ERICH3: variants seen among roughly 807,000 people sequenced by gnomAD.
ERICH3 encodes the protein glutamate-rich protein 3.
Under a neutral mutation model 131.1 loss-of-function variants are expected in ERICH3, and 126 were observed. The ratio of observed to expected loss-of-function variants is 0.96; its 90% CI spans 0.83 to 1.11. The LOEUF is 1.11. Ranked by LOEUF, ERICH3 falls within the 50% of genes most tolerant of loss-of-function variation. ERICH3 has a pLI of 0.00. For missense variants in ERICH3, 2,050 were observed against 1,810.7 expected (o/e 1.13, Z -2.40); for synonymous variants, 695 against 644.6 (o/e 1.08, Z -1.18).
intron 12 of ERICH3, among the ~76,000 whole-genome samples, chr1:74,584,961 A>G (rs1647263833): frequency 6.6e-6 from 1 of 152,160 alleles, no homozygotes; most frequent in Admixed American, 6.6e-5. Context: ...ACAAAATTGC[A>G]TTTCATTTTA....
chr1:74,571,333 A>G lies in ERICH3; in HGVS notation c.4377T>C (p.Thr1459=), dbSNP rs1174287164. ...EEGSEGQEAA[T]GSGDGRQETG... is the part of the protein sequence containing the mutation. ...TCTCCTGCCTCCCATCGCCACTCCC[A>G]GTGGCTGCCTCCTGGCCCTCTGACC... The change falls in exon 14 of 15, where the codon ACT becomes ACC. Residue 1459 remains threonine, a synonymous_variant. Transcript: ENST00000326665. The G allele has an allele frequency of 1.9e-6, 3 of 1,613,820 alleles. No homozygotes were observed. Among genetic ancestry groups the G allele is most frequent in the Non-Finnish European group, 2.5e-6 (3 of 1,179,968 alleles).
chr1:74,643,803 G>C (rs1182027482), intron 3 of ERICH3, among the ~76,000 whole-genome samples: 1 of 151,964 alleles, frequency 6.6e-6, no homozygotes, highest in Non-Finnish European at 1.5e-5. Flanking sequence ...TTTCAACCTT[G>C]GCCTATCTGA....
At position 74,571,644 on chromosome 1, in the gene ERICH3, C is replaced by G. The variant is rs749652058; in HGVS notation, c.4066G>C (p.Glu1356Gln). The change falls in exon 14 of 15, where the codon GAG becomes CAG. Residue 1356 changes from glutamate to glutamine, a missense_variant. Physicochemically the swap from Glu to Gln is conservative, Grantham distance 29. Transcript: ENST00000326665. Reference protein sequence around the residue: ...GGETAETAAEEREVLAGSETA... With the variant: ...GGETAETAAEQREVLAGSETA... ...TCCGAACCTGCCAACACCTCCCTCTCCTCTGCGGCTGTTTCTGCCGTTTCA... is the reference window on the plus strand; with the variant it reads ...TCCGAACCTGCCAACACCTCCCTCTGCTCTGCGGCTGTTTCTGCCGTTTCA... The G allele has an allele frequency of 6.2e-7, 1 of 1,614,176 alleles. No individual in the cohort carries two copies. The highest frequency in any genetic ancestry group is 1.1e-5 in the South Asian group (1 of 91,078).
intron 4 of ERICH3, 22 bp from the exon 5 acceptor site, chr1:74,641,481 G>T: frequency 6.2e-7 from 1 of 1,605,772 alleles, no homozygotes; most frequent in Non-Finnish European, 8.5e-7. Flanking sequence ...AAGCAATTTA[G>T]CAAATAGATG....
At chr1:74,650,458 A>G (rs923974323) in intron 1 of ERICH3, among the ~76,000 whole-genome samples, 2 of 152,156 alleles carry the variant, frequency 1.3e-5, no homozygotes, top group Non-Finnish European at 2.9e-5. Flanking sequence ...ATACATAGAC[A>G]TATACATAGA....
At chr1:74,644,834 A>G (rs1204921385) in intron 3 of ERICH3, among the ~76,000 whole-genome samples, 1 of 151,364 alleles carries the variant, frequency 6.6e-6, no homozygotes, top group Non-Finnish European at 1.5e-5. Context: ...CATTTCTTTT[A>G]CTCCCCTGCT....
intron 12 of ERICH3, among the ~76,000 whole-genome samples, chr1:74,587,854 A>T (rs1410993456): frequency 6.6e-6 from 1 of 152,210 alleles, no homozygotes; most frequent in Non-Finnish European, 1.5e-5. Context: ...TTTCAAATAT[A>T]TTTGAGCTAG....
chr1:74,614,337 A>G (rs756087003), intron 8 of ERICH3, among the ~76,000 whole-genome samples: 4 of 149,724 alleles, frequency 2.7e-5, no homozygotes, highest in Non-Finnish European at 5.9e-5. Context: ...TCAGTTATTT[A>G]GAAACACTGT....
At position 74,589,650 on chromosome 1, in the gene ERICH3, G is replaced by A; in HGVS notation, c.2157C>T (p.Leu719=). Residue 719 remains leucine, a synonymous_variant, in exon 12 of 15, where the codon CTC becomes CTT. Coordinates refer to ENST00000326665, the MANE Select transcript of ERICH3 (RefSeq NM_001002912.5). ...ACTTACCACCTTCCTCCAACCCAGGGAGACCTGCCTTTTTGTCCTTCACCT... is the reference window on the plus strand; with the variant it reads ...ACTTACCACCTTCCTCCAACCCAGGAAGACCTGCCTTTTTGTCCTTCACCT... The part of the protein sequence containing the change: ...TAQVKDKKAG[L]PGLEEGGKDS... 3 of 1,613,890 alleles carry A rather than the reference G, an allele frequency of 1.9e-6. No individual in the cohort carries two copies. The highest frequency in any genetic ancestry group is 2.5e-6 in the Non-Finnish European group (3 of 1,179,906).
At chr1:74,579,753 T>C (rs1647142969) in intron 12 of ERICH3, 2 of 985,284 alleles carry the variant, frequency 2.0e-6, no homozygotes, top group Non-Finnish European at 2.4e-6. Flanking sequence ...ATGTGACATA[T>C]CACTTTGTTG....
In ERICH3 at chr1:74,612,693, C is replaced by T. The variant is rs199502949; in HGVS notation, c.1117G>A (p.Gly373Ser). ...CCTCGTTTGCCTCCAAGCCTGGAAC[C>T]TTTCCGATGCTTGTATTCACAACAG... Reference protein sequence around the residue: ...SSCCEYKHRKGSRLGGKRGYF... With the variant: ...SSCCEYKHRKSSRLGGKRGYF... Residue 373 changes from glycine (G) to serine (S), a missense_variant, in exon 9 of 15, where the codon GGT (glycine) becomes AGT (serine). Coordinates refer to ENST00000326665, the MANE Select transcript of ERICH3 (RefSeq NM_001002912.5). The T allele has an allele frequency of 6.2e-6, 10 of 1,603,288 alleles. No individual in the cohort carries two copies. In the South Asian group the frequency reaches 7.8e-5, roughly 12 times the overall value.
chr1:74,650,559 C>G (rs1235155919), intron 1 of ERICH3, among the ~76,000 whole-genome samples: 1 of 152,050 alleles, frequency 6.6e-6, no homozygotes, highest in East Asian at 1.9e-4. Flanking sequence ...CCTATGTATA[C>G]TAGGTTTTTT....
chr1:74,665,564 A>C (rs1217381533), intron 1 of ERICH3, among the ~76,000 whole-genome samples: 1 of 152,076 alleles, frequency 6.6e-6, no homozygotes, highest in Non-Finnish European at 1.5e-5. Flanking sequence ...ACAAAAATTT[A>C]TTTTCTCATG....
chr1:74,583,599 G>A (rs574474162), intron 12 of ERICH3, among the ~76,000 whole-genome samples: 14 of 152,124 alleles, frequency 9.2e-5, no homozygotes, highest in East Asian at 1.9e-4. Context: ...ACTGTGCTAC[G>A]TATTTTCTAG....
chr1:74,612,410 T>A (rs959870277), intron 9 of ERICH3, among the ~76,000 whole-genome samples: 6 of 152,232 alleles, frequency 3.9e-5, no homozygotes, highest in African/African-American at 1.4e-4. Flanking sequence ...CTAGCTTTTA[T>A]CTTCGTTATA....
At position 74,572,484 on chromosome 1, in the gene ERICH3, C is replaced by T. The variant is rs1459601312; in HGVS notation, c.3226G>A (p.Glu1076Lys). The T allele has an allele frequency of 1.2e-6, 2 of 1,614,068 alleles. No individual in the cohort carries two copies. Among genetic ancestry groups the T allele is most frequent in the East Asian group, 4.5e-5 (2 of 44,870 alleles). ...TTTGCCCTTGTCACCTCTTCTCTCT[C>T]AGAGTCAGTTTTCCTCAGAGATGTT... ...PKTSLRKTDS[E>K]REEVTRANAL... The change falls in exon 14 of 15, where the codon GAG becomes AAG. Residue 1076 changes from glutamate to lysine, a missense_variant. Coordinates refer to ENST00000326665, the MANE Select transcript of ERICH3 (RefSeq NM_001002912.5).
chr1:74,625,907 C>T (rs1356896080), intron 7 of ERICH3: 1 of 152,172 alleles, frequency 6.6e-6, no homozygotes, highest in Non-Finnish European at 1.5e-5. Flanking sequence ...ACAGCAGCCA[C>T]TTCTCCCATT....
chr1:74,612,233 C>T (rs1557683001), intron 9 of ERICH3, among the ~76,000 whole-genome samples: 1 of 152,114 alleles, frequency 6.6e-6, no homozygotes, highest in African/African-American at 2.4e-5. Flanking sequence ...AGATGCTTGG[C>T]ACACACTTTA....
At chr1:74,609,763 T>C (rs1477020321) in intron 9 of ERICH3, among the ~76,000 whole-genome samples, 1 of 152,116 alleles carries the variant, frequency 6.6e-6, no homozygotes, top group Non-Finnish European at 1.5e-5. Flanking sequence ...ACCATTCTTC[T>C]ATAAGAACTG....
Sources: allele counts gnomAD v4.1 joint callset (sites outside exome capture counted in the v4.1 genomes callset), GRCh38; gene constraint gnomAD v4.1.1; transcripts MANE v1.5; gene names NCBI Gene and HGNC (gene_info 2026-07-23, HGNC 2026-07-21).